EPHB1: variants seen among roughly 807,000 people sequenced by gnomAD.
EPHB1 encodes the protein ephrin type-B receptor 1.
In EPHB1, 30 loss-of-function variants were observed where a neutral mutation model predicts 94.4. That is an observed-to-expected ratio of 0.32 (90% CI 0.24 to 0.43). The LOEUF is 0.43. EPHB1 is among the 20% of genes least tolerant of loss of function. The pLI is 1.00. For synonymous variants in EPHB1, 522 were observed against 489.1 expected (o/e 1.07, Z -0.89); for missense variants, 1,055 against 1,308.3 (o/e 0.81, Z 2.99).
intron 12 of EPHB1, among the ~76,000 whole-genome samples, chr3:135,219,460 A>G (rs1016986141): frequency 1.3e-5 from 2 of 152,096 alleles, no homozygotes; most frequent in Admixed American, 6.5e-5. Flanking sequence ...TGGCAGAGGC[A>G]GAGGTTGGGT....
chr3:134,926,151 G>T (rs188852134), intron 2 of EPHB1, among the ~76,000 whole-genome samples: 14 of 152,310 alleles, frequency 9.2e-5, no homozygotes. Flanking sequence ...GGGGATGGGG[G>T]CACGCAGGCT....
chr3:134,838,774 G>A (rs2036724847), intron 1 of EPHB1, among the ~76,000 whole-genome samples: 1 of 152,164 alleles, frequency 6.6e-6, no homozygotes, highest in African/African-American at 2.4e-5. Context: ...TTGGTGATGA[G>A]CTCAGAGCAG....
chr3:134,956,642 C>T (rs1933288012), intron 3 of EPHB1, among the ~76,000 whole-genome samples: 1 of 152,136 alleles, frequency 6.6e-6, no homozygotes, highest in Non-Finnish European at 1.5e-5. Flanking sequence ...CTTGGCTCTG[C>T]TGCAAACTTG....
chr3:135,185,282 A>T (rs1942300071), intron 10 of EPHB1, among the ~76,000 whole-genome samples: 1 of 152,204 alleles, frequency 6.6e-6, no homozygotes. Context: ...CTTGGGGATG[A>T]TTTGGCAGAA....
At chr3:135,258,162 G>C (rs556915536) in intron 15 of EPHB1, among the ~76,000 whole-genome samples, 1 of 152,154 alleles carries the variant, frequency 6.6e-6, no homozygotes, top group Non-Finnish European at 1.5e-5. Context: ...GAAATCACCC[G>C]TCTTCTGCGT....
rs1578119778 is a variant in EPHB1 at position 134,828,967 on chromosome 3, G to T, written c.58+33278G>T. Among the ~76,000 whole-genome samples the T allele has an allele frequency of 6.6e-5, 10 of 152,314 alleles. No individual in the cohort carries two copies. In the South Asian group the frequency reaches 2.1e-3, roughly 32 times the overall value. Reference sequence around the variant, plus strand: ...TGAGCTGGAGGAAGCTGGCAGGGTTGGGGCCTTCTGATCACCCAGGTCATA... The same window carrying T: ...TGAGCTGGAGGAAGCTGGCAGGGTTTGGGCCTTCTGATCACCCAGGTCATA... On this transcript the variant is annotated intron_variant, in intron 1 of 15. Coordinates refer to ENST00000398015, the MANE Select transcript of EPHB1 (RefSeq NM_004441.5).
intron 6 of EPHB1, among the ~76,000 whole-genome samples, chr3:135,160,938 A>T (rs1941488325): frequency 6.6e-6 from 1 of 152,084 alleles, no homozygotes; most frequent in Admixed American, 6.6e-5. Context: ...GATTTAGGGG[A>T]ATGTGAGAGA....
chr3:134,912,565 G>A (rs1211935402), intron 1 of EPHB1, among the ~76,000 whole-genome samples: 1 of 152,228 alleles, frequency 6.6e-6, no homozygotes, highest in Admixed American at 6.5e-5. Context: ...TGGATTGGCA[G>A]AAGGGTATGC....
chr3:135,086,542 C>T (rs1157708381), intron 3 of EPHB1, among the ~76,000 whole-genome samples: 2 of 151,670 alleles, frequency 1.3e-5, no homozygotes, highest in Non-Finnish European at 2.9e-5. Flanking sequence ...TGACTCTTTC[C>T]ACCACCATGC....
chr3:135,077,064 T>G (rs1032063869), intron 3 of EPHB1, among the ~76,000 whole-genome samples: 2 of 152,158 alleles, frequency 1.3e-5, no homozygotes, highest in African/African-American at 4.8e-5. Flanking sequence ...ATTGAATAAT[T>G]TACAATGAAT....
intron 12 of EPHB1, among the ~76,000 whole-genome samples, chr3:135,208,760 T>C (rs929551063): frequency 1.3e-5 from 2 of 152,160 alleles, no homozygotes; most frequent in Non-Finnish European, 2.9e-5. Flanking sequence ...GTTTTAAATA[T>C]ATAGAAATGG....
At chr3:134,910,652 G>T (rs562254077) in intron 1 of EPHB1, among the ~76,000 whole-genome samples, 22 of 152,220 alleles carry the variant, frequency 1.4e-4, no homozygotes, top group Non-Finnish European at 2.9e-4. Flanking sequence ...GGGTAGAATG[G>T]CAAAAGGTTC....
At chr3:134,804,813 A>G (rs2036005902) in intron 1 of EPHB1, among the ~76,000 whole-genome samples, 1 of 152,160 alleles carries the variant, frequency 6.6e-6, no homozygotes, top group South Asian at 2.1e-4. Context: ...TTGAGCGTGG[A>G]AGAACATGTG....
At chr3:135,053,615 G>A (rs2107772874) in intron 3 of EPHB1, among the ~76,000 whole-genome samples, 1 of 152,242 alleles carries the variant, frequency 6.6e-6, no homozygotes, top group African/African-American at 2.4e-5. Context: ...GTTTTCTTGG[G>A]CAATTGTTTC....
At chr3:135,032,645 G>T (rs1936516016) in intron 3 of EPHB1, among the ~76,000 whole-genome samples, 1 of 152,164 alleles carries the variant, frequency 6.6e-6, no homozygotes, top group South Asian at 2.1e-4. Flanking sequence ...TGATGAATGG[G>T]TGCCATTGTT....
chr3:134,807,071 A>G (rs1301055994), intron 1 of EPHB1, among the ~76,000 whole-genome samples: 1 of 152,204 alleles, frequency 6.6e-6, no homozygotes, highest in Non-Finnish European at 1.5e-5. Context: ...GAGATGGAAT[A>G]GGCTGCCTTG....
intron 10 of EPHB1, among the ~76,000 whole-genome samples, chr3:135,183,982 C>T (rs187937269): frequency 1.1e-3 from 161 of 152,268 alleles, no homozygotes; most frequent in African/African-American, 3.4e-3. Flanking sequence ...GGGAAACAAT[C>T]GCTAAAACCT....
At chr3:135,154,879 C>T (rs1941303585) in intron 6 of EPHB1, among the ~76,000 whole-genome samples, 1 of 152,168 alleles carries the variant, frequency 6.6e-6, no homozygotes, top group East Asian at 1.9e-4. Context: ...GAAATGGTGC[C>T]TGGTGGAGCT....
chr3:135,194,765 G>T (rs1002523449), intron 11 of EPHB1, among the ~76,000 whole-genome samples: 1 of 152,158 alleles, frequency 6.6e-6, no homozygotes, highest in Non-Finnish European at 1.5e-5. Flanking sequence ...CTGAGCCCAT[G>T]TACTTTCCCT....
Sources: allele counts gnomAD v4.1 joint callset (sites outside exome capture counted in the v4.1 genomes callset), GRCh38; gene constraint gnomAD v4.1.1; transcripts MANE v1.5; gene names NCBI Gene and HGNC (gene_info 2026-07-23, HGNC 2026-07-21).